The following ARHGAP10 variants were observed in gnomAD, a reference collection of about 807,000 sequenced individuals.
ARHGAP10 encodes Rho GTPase activating protein 10, also known as rho GTPase-activating protein 10.
A neutral mutation model predicts 108.6 loss-of-function variants in ARHGAP10; 87 were observed. That is an observed-to-expected ratio of 0.80 (90% CI 0.67 to 0.96). The LOEUF (loss-of-function observed/expected upper bound fraction) is 0.96. ARHGAP10 is among the 40% of genes least tolerant of loss of function. ARHGAP10 has a pLI of 0.00. For missense variants in ARHGAP10, 939 were observed against 954.5 expected (o/e 0.98, Z 0.21); for synonymous variants, 347 against 341.1 (o/e 1.02, Z -0.19).
intron 19 of ARHGAP10, among the ~76,000 whole-genome samples, chr4:148,034,269 G>A (rs1277899729): frequency 5.9e-5 from 9 of 152,054 alleles, no homozygotes; most frequent in Non-Finnish European, 1.3e-4. Flanking sequence ...GGTTATTTTT[G>A]TCCAACATTA....
At chr4:147,830,800 G>C (rs1732928398) in intron 3 of ARHGAP10, among the ~76,000 whole-genome samples, 1 of 152,194 alleles carries the variant, frequency 6.6e-6, no homozygotes, top group Non-Finnish European at 1.5e-5. Flanking sequence ...GATTACAGAT[G>C]TGAGCCACCG....
intron 20 of ARHGAP10, among the ~76,000 whole-genome samples, chr4:148,049,387 G>A (rs994512026): frequency 6.6e-6 from 1 of 152,198 alleles, no homozygotes; most frequent in Non-Finnish European, 1.5e-5. Context: ...TCTGAGGAGC[G>A]TAATTAGGAT....
intron 13 of ARHGAP10, among the ~76,000 whole-genome samples, chr4:147,928,445 A>G (rs1380972671): frequency 6.6e-6 from 1 of 152,162 alleles, no homozygotes; most frequent in Non-Finnish European, 1.5e-5. Flanking sequence ...ACCTTTCCTG[A>G]AAGTGCCTGC....
chr4:147,894,659 TTTATAA>T (rs1261351858), intron 10 of ARHGAP10, among the ~76,000 whole-genome samples: 4 of 152,224 alleles, frequency 2.6e-5, no homozygotes, highest in African/African-American at 7.2e-5. Flanking sequence ...CTTTTAAAGC[TTTATAA>T]TTAGTCCATG....
chr4:147,910,262 A>G (rs1267984647), intron 12 of ARHGAP10, among the ~76,000 whole-genome samples: 2 of 151,750 alleles, frequency 1.3e-5, no homozygotes, highest in Non-Finnish European at 2.9e-5. Flanking sequence ...GGGTCAAGTG[A>G]TCCTCCTACC....
At chr4:147,793,733 C>T (rs1731211414) in intron 1 of ARHGAP10, among the ~76,000 whole-genome samples, 1 of 152,200 alleles carries the variant, frequency 6.6e-6, no homozygotes, top group African/African-American at 2.4e-5. Flanking sequence ...GGATCCTCCT[C>T]TGCTGAGGCG....
intron 19 of ARHGAP10, among the ~76,000 whole-genome samples, chr4:148,030,870 A>C (rs1228271457): frequency 6.8e-6 from 1 of 146,144 alleles, no homozygotes; most frequent in Admixed American, 6.6e-5. Context: ...AAGAAAAAAA[A>C]GAAAAAAAAA....
chr4:147,954,836 A>G (rs1282040132), intron 15 of ARHGAP10, among the ~76,000 whole-genome samples: 3 of 152,044 alleles, frequency 2.0e-5, no homozygotes, highest in Non-Finnish European at 2.9e-5. Context: ...TCTTATAGGA[A>G]TAAAGATAAA....
At chr4:147,813,410 C>T (rs1732112337) in intron 1 of ARHGAP10, among the ~76,000 whole-genome samples, 1 of 152,186 alleles carries the variant, frequency 6.6e-6, no homozygotes, top group South Asian at 2.1e-4. Flanking sequence ...ATAGCTACCT[C>T]TGTCATGGCC....
intron 10 of ARHGAP10, among the ~76,000 whole-genome samples, chr4:147,902,771 T>A (rs997431681): frequency 1.3e-5 from 2 of 151,638 alleles, no homozygotes; most frequent in Non-Finnish European, 2.9e-5. Context: ...GAAGGGAGGT[T>A]TAATTGACTT....
intron 1 of ARHGAP10, among the ~76,000 whole-genome samples, chr4:147,769,618 C>G (rs1579022077): frequency 6.6e-6 from 1 of 152,136 alleles, no homozygotes; most frequent in African/African-American, 2.4e-5. Context: ...CCACAAAACC[C>G]TCTTGAATCA....
rs375472623 is a variant in ARHGAP10, at chr4:147,955,288, A to G, written c.1392-28A>G. 52 of 1,580,356 alleles carry G rather than the reference A, an allele frequency of 3.3e-5. No individual in the cohort carries two copies. In the Admixed American group the frequency reaches 5.6e-4, roughly 17 times the overall value. ...GAAGTGACTTGTTTGGATTTATTTG[A>G]TAATTCTGAGCTGTTCTTTTCACAC... On this transcript the variant is annotated intron_variant, in intron 15 of 22. Coordinates refer to ENST00000336498, the MANE Select transcript of ARHGAP10 (RefSeq NM_024605.4).
intron 18 of ARHGAP10, among the ~76,000 whole-genome samples, chr4:148,000,180 G>GT (rs1464817353): frequency 2.0e-5 from 3 of 151,618 alleles, no homozygotes; most frequent in Non-Finnish European, 4.4e-5. Context: ...GTGGTGGTTG[G>GT]TTTTTTTTGT....
At chr4:147,861,632 T>A (rs1388252556) in intron 5 of ARHGAP10, 1 of 152,204 alleles carries the variant, frequency 6.6e-6, no homozygotes, top group East Asian at 1.9e-4. Flanking sequence ...AGACCTGAAG[T>A]GAGTAGCCTT....
chr4:147,854,288 C>T (rs930416160), intron 4 of ARHGAP10, among the ~76,000 whole-genome samples: 1 of 152,062 alleles, frequency 6.6e-6, no homozygotes, highest in Admixed American at 6.5e-5. Flanking sequence ...TCAGCAGTTC[C>T]AGAGAAATCA....
At chr4:147,832,132 TA>T (rs1732975260) in intron 3 of ARHGAP10, among the ~76,000 whole-genome samples, 1 of 152,098 alleles carries the variant, frequency 6.6e-6, no homozygotes, top group African/African-American at 2.4e-5. Flanking sequence ...CCCTAGAATG[TA>T]ACCAGCCCAT....
At chr4:147,974,958 A>G (rs764942013) in intron 18 of ARHGAP10, among the ~76,000 whole-genome samples, 13 of 152,186 alleles carry the variant, frequency 8.5e-5, no homozygotes, top group South Asian at 6.2e-4. Context: ...CCATGATTCA[A>G]TTATCTCCCA....
chr4:147,837,650 T>TTTTGTTTTTTTTTTTTTTG (rs1553955209), intron 3 of ARHGAP10, among the ~76,000 whole-genome samples: 2 of 112,006 alleles, frequency 1.8e-5, no homozygotes, highest in Non-Finnish European at 3.7e-5. Flanking sequence ...ACTGTTTTTT[T>TTTTGTTTTTTTTTTTTTTG]TTTTTTTTTT....
chr4:148,072,036 C>T lies in ARHGAP10; in HGVS notation c.2316C>T (p.Asn772=), dbSNP rs767795159. 1.1e-5 allele frequency: 18 copies of T among 1,613,572 alleles called. No homozygotes were observed. The highest frequency in any genetic ancestry group is 5.0e-5 in the Admixed American group (3 of 59,970). The part of the protein sequence containing the change: ...REPGWLEGTL[N]GKRGLIPQNY... ...CTGGCTGGCTAGAAGGGACTCTGAA[C>T]GGCAAGAGGGGGCTGATTCCACAGA... The change falls in exon 23 of 23, where the codon AAC becomes AAT. Residue 772 remains asparagine (N), a synonymous_variant. Transcript: ENST00000336498.
Sources: allele counts gnomAD v4.1 joint callset (sites outside exome capture counted in the v4.1 genomes callset), GRCh38; gene constraint gnomAD v4.1.1; transcripts MANE v1.5; gene names NCBI Gene and HGNC (gene_info 2026-07-23, HGNC 2026-07-21).